The following CARS1 variants were observed in gnomAD, a reference collection of about 807,000 sequenced individuals.
The protein encoded by CARS1 is cysteine--tRNA ligase, cytoplasmic.
CARS1 carries 48 observed loss-of-function variants against 106.2 expected under a neutral mutation model. The observed-to-expected ratio is 0.45, with a 90% confidence interval of 0.36 to 0.57. The LOEUF (loss-of-function observed/expected upper bound fraction) is 0.57, where lower values mean the gene tolerates loss of function less well. Ranked by LOEUF, CARS1 falls within the 20% of genes least tolerant of loss-of-function variation. The pLI is 0.00. For synonymous variants in CARS1, 409 were observed against 403.4 expected (o/e 1.01, Z -0.17); for missense variants, 968 against 1,057.2 (o/e 0.92, Z 1.17).
chr11:3,002,086 C>A, intron 21 of CARS1, 33 bp from the exon 22 acceptor site: 1 of 1,430,312 alleles, frequency 7.0e-7, no homozygotes, highest in South Asian at 1.1e-5. Flanking sequence ...GTCACTGCCC[C>A]CGAGCAGCAC....
chr11:3,026,619 C>A (rs1170658871), intron 10 of CARS1, 57 bp downstream of exon 10: 3 of 1,594,106 alleles, frequency 1.9e-6, no homozygotes, highest in Non-Finnish European at 1.7e-6. Flanking sequence ...AAAGTCAACA[C>A]AACCCAGGCT....
chr11:3,018,441 C>T lies in CARS1; in HGVS notation c.1596G>A (p.Met532Ile). 1 of 1,614,082 alleles carries T rather than the reference C, an allele frequency of 6.2e-7. No individual in the cohort carries two copies. Residue 532 changes from methionine to isoleucine, a missense_variant, in exon 14 of 23, where the codon ATG (methionine) becomes ATA (isoleucine). Physicochemically the swap from Met to Ile is conservative, Grantham distance 10. Transcript: ENST00000380525. ...KDTLDYSSNTMESALQYEKFL... is the reference protein window; with the variant it reads ...KDTLDYSSNTIESALQYEKFL... ...ACTTCTCATATTGAAGCGCTGACTCCATGGTGTTGCTGGAGTAGTCCAGGG... is the reference window on the plus strand; with the variant it reads ...ACTTCTCATATTGAAGCGCTGACTCTATGGTGTTGCTGGAGTAGTCCAGGG...
At chr11:3,013,320 T>C (rs1274396818) in intron 17 of CARS1, among the ~76,000 whole-genome samples, 1 of 152,018 alleles carries the variant, frequency 6.6e-6, no homozygotes, top group East Asian at 1.9e-4. Flanking sequence ...GCCCAGCTAA[T>C]TTTGTATTTT....
rs115089547 is a variant in CARS1, at chr11:3,043,578, C to A, written c.275-1322G>T. On this transcript the variant is annotated intron_variant, in intron 2 of 22. Coordinates refer to ENST00000380525, the MANE Select transcript of CARS1 (RefSeq NM_001014437.3). The surrounding 1 kb of genome is among the most constrained non-coding windows in gnomAD (Gnocchi z 4.0). ...TAGCACTGACCTGTGCCCACCCCAG[C>A]AGGCCGCCTGGCAGCTCACCAGGGT... Among the ~76,000 whole-genome samples, 94 of 151,406 alleles carry A rather than the reference C, an allele frequency of 6.2e-4. No individual in the cohort carries two copies. Among genetic ancestry groups the A allele is most frequent in the African/African-American group, 2.2e-3 (89 of 41,238 alleles).
At chr11:3,006,223 A>G (rs1372842108) in intron 19 of CARS1, among the ~76,000 whole-genome samples, 3 of 152,214 alleles carry the variant, frequency 2.0e-5, no homozygotes, top group Admixed American at 2.0e-4. Flanking sequence ...AGGTGGGCAG[A>G]TTACTTGAGG....
intron 18 of CARS1, among the ~76,000 whole-genome samples, chr11:3,009,947 G>C (rs879659650): frequency 1.3e-5 from 2 of 152,178 alleles, no homozygotes; most frequent in African/African-American, 4.8e-5. Flanking sequence ...CCTCTAACAC[G>C]CTGCCCCGTC....
At chr11:3,054,277 C>T (rs2134324967) in intron 1 of CARS1, among the ~76,000 whole-genome samples, 1 of 152,294 alleles carries the variant, frequency 6.6e-6, no homozygotes, top group African/African-American at 2.4e-5. Flanking sequence ...CATCTTCCTC[C>T]TTACTGGGAG....
chr11:3,015,655 C>T (rs770988521), intron 17 of CARS1, 126 bp downstream of exon 17: 16 of 812,146 alleles, frequency 2.0e-5, no homozygotes, highest in South Asian at 8.7e-5. Context: ...CCATTTAGCT[C>T]GAGGCGCTGT....
chr11:3,032,873 G>T (rs1191694428), intron 7 of CARS1, among the ~76,000 whole-genome samples: 3 of 151,184 alleles, frequency 2.0e-5, no homozygotes, highest in Non-Finnish European at 4.4e-5. Flanking sequence ...ACAATCCTGA[G>T]AGTGAACCCT....
At chr11:3,033,050 AC>A (rs1381432034) in intron 7 of CARS1, among the ~76,000 whole-genome samples, 1 of 151,698 alleles carries the variant, frequency 6.6e-6, no homozygotes, top group Non-Finnish European at 1.5e-5. Flanking sequence ...CTAAAAAAAA[AC>A]TTTTTTTTTT....
rs770484930 is a variant in CARS1 at position 3,040,523 on chromosome 11, C to T, written c.455+373G>A. The T allele has an allele frequency of 4.1e-6, 2 of 483,446 alleles. No individual in the cohort carries two copies. Among genetic ancestry groups the T allele is most frequent in the Non-Finnish European group, 4.1e-6 (1 of 245,390 alleles). 29.9% of individuals were successfully genotyped at this position (483,446 alleles called of 1,614,324 possible). A position where few individuals can be genotyped will look rare whatever the true frequency, so the allele number is the denominator to read the frequency against. The stretch of plus-strand genomic sequence containing the variant: ...CGGGGGGCGGTCACAGCCAACCCAG[C>T]GTCAGGCCTGTCAGGTCTGAGTGTC... On this transcript the variant is annotated intron_variant, in intron 4 of 22. Coordinates refer to ENST00000380525, the MANE Select transcript of CARS1 (RefSeq NM_001014437.3). The surrounding 1 kb of genome is among the most constrained non-coding windows in gnomAD (Gnocchi z 5.8).
Position 3,048,951 on chromosome 11 carries a change from G to A in CARS1, c.26-950C>T, listed in dbSNP as rs1855388615. Among the ~76,000 whole-genome samples the A allele has an allele frequency of 6.6e-6, 1 of 152,182 alleles. No individual in the cohort carries two copies. Among genetic ancestry groups the A allele is most frequent in the Admixed American group, 6.5e-5 (1 of 15,272 alleles). ...AGCCACTGTTCCGCATGTCACCATT[G>A]GGAGGAGGAGCAGAACCCTAACTTT... On this transcript the variant is annotated intron_variant, in intron 1 of 22. Transcript: ENST00000380525. The surrounding 1 kb of genome is among the most constrained non-coding windows in gnomAD (Gnocchi z 5.1).
chr11:3,014,942 T>C (rs923420377), intron 17 of CARS1, among the ~76,000 whole-genome samples: 1 of 152,254 alleles, frequency 6.6e-6, no homozygotes, highest in Non-Finnish European at 1.5e-5. Flanking sequence ...CCTGTTTTAA[T>C]TAAAATTACA....
rs1052794969 is a variant in CARS1, at chr11:3,004,824, C to T, written c.2217+542G>A. Among the ~76,000 whole-genome samples, 5 of 152,044 alleles carry T rather than the reference C, an allele frequency of 3.3e-5. No individual in the cohort carries two copies. Among genetic ancestry groups the T allele is most frequent in the Admixed American group, 6.6e-5 (1 of 15,254 alleles). On this transcript the variant is annotated intron_variant, in intron 20 of 22. Coordinates refer to ENST00000380525, the MANE Select transcript of CARS1 (RefSeq NM_001014437.3). The surrounding 1 kb of genome is among the most constrained non-coding windows in gnomAD (Gnocchi z 5.2). Reference sequence around the variant, plus strand: ...GACTGGGATCTTAACATGTCAGCTTCGGGCCAGGCGTGGTGGCTCAAGCCT... The same window carrying T: ...GACTGGGATCTTAACATGTCAGCTTTGGGCCAGGCGTGGTGGCTCAAGCCT...
At position 3,041,238 on chromosome 11, in the gene CARS1, C is replaced by A; in HGVS notation, c.367-254G>T. The A allele has an allele frequency of 1.2e-4, 54 of 459,308 alleles. No homozygotes were observed. The highest frequency in any genetic ancestry group is 5.4e-4 in the South Asian group (17 of 31,410). The allele number at this position is 459,308 out of a possible 1,614,324, so 28.5% of individuals were successfully genotyped here. ...GGTTCTACTCATCTATGGAGGGAGGCGATAAAGGGAATCAATGATTTTATT... is the reference window on the plus strand; with the variant it reads ...GGTTCTACTCATCTATGGAGGGAGGAGATAAAGGGAATCAATGATTTTATT... On this transcript the variant is annotated intron_variant, in intron 3 of 22. Transcript: ENST00000380525. This position sits in a 1 kb window ranked among gnomAD's most constrained non-coding sequence, Gnocchi z 4.9.
chr11:3,012,007 G>C (rs1001574361), intron 18 of CARS1, among the ~76,000 whole-genome samples, 188 bp downstream of exon 18: 2 of 152,248 alleles, frequency 1.3e-5, no homozygotes, highest in Non-Finnish European at 2.9e-5. Flanking sequence ...GTGGTGACTG[G>C]AGCGTGTGGT....
In CARS1 at chr11:3,019,375, A is replaced by G; in HGVS notation, c.1267-108T>C. The G allele has an allele frequency of 8.3e-7, 1 of 1,203,238 alleles. No individual in the cohort carries two copies. The highest frequency in any genetic ancestry group is 3.1e-5 in the South Asian group (1 of 32,004). 74.5% of individuals were successfully genotyped at this position (1,203,238 alleles called of 1,614,324 possible). ...CCTTACATCCTCTGAACTTTATTGG[A>G]ACAAGCGTTAAATCCCGCACATGAA... On this transcript the variant is annotated intron_variant, in intron 11 of 22. Coordinates refer to ENST00000380525, the MANE Select transcript of CARS1 (RefSeq NM_001014437.3). This position sits in a 1 kb window ranked among gnomAD's most constrained non-coding sequence, Gnocchi z 6.2.
At chr11:3,023,515 C>T (rs1417646018) in intron 10 of CARS1, among the ~76,000 whole-genome samples, 1 of 152,192 alleles carries the variant, frequency 6.6e-6, no homozygotes, top group Non-Finnish European at 1.5e-5. Flanking sequence ...TTACCTCAGC[C>T]TTCTGAGTAA....
At position 3,020,470 on chromosome 11, in the gene CARS1, C is replaced by T; in HGVS notation, c.1154-138G>A. The T allele has an allele frequency of 1.6e-6, 1 of 632,164 alleles. No homozygotes were observed. Among genetic ancestry groups the T allele is most frequent in the Middle Eastern group, 2.5e-4 (1 of 4,024 alleles). 39.2% of individuals were successfully genotyped at this position (632,164 alleles called of 1,614,324 possible). ...GTTTATTAACTTGGCTCAAGCATTT[C>T]TTCAAGTTAACTATGTATTACCAGA... On this transcript the variant is annotated intron_variant, in intron 10 of 22. Coordinates refer to ENST00000380525, the MANE Select transcript of CARS1 (RefSeq NM_001014437.3). The surrounding 1 kb of genome is among the most constrained non-coding windows in gnomAD (Gnocchi z 4.6).
Sources: allele counts gnomAD v4.1 joint callset (sites outside exome capture counted in the v4.1 genomes callset), GRCh38; gene constraint gnomAD v4.1.1; non-coding constraint Gnocchi (gnomAD v3.1); transcripts MANE v1.5; gene names NCBI Gene and HGNC (gene_info 2026-07-23, HGNC 2026-07-21).